FAM83B: variants seen among roughly 807,000 people sequenced by gnomAD.
FAM83B encodes the protein protein FAM83B.
In FAM83B, 26 loss-of-function variants were observed where a neutral mutation model predicts 38.8. The ratio of observed to expected loss-of-function variants is 0.67; its 90% CI spans 0.49 to 0.93. The LOEUF (loss-of-function observed/expected upper bound fraction) is 0.93, where lower values mean the gene tolerates loss of function less well. Ranked by LOEUF, FAM83B falls within the 40% of genes least tolerant of loss-of-function variation. FAM83B has a pLI of 0.00. For missense variants in FAM83B, 1,237 were observed against 1,197.3 expected (o/e 1.03, Z -0.49); for synonymous variants, 419 against 423.1 (o/e 0.99, Z 0.12).
Position 54,908,850 on chromosome 6 carries a change from A to G in FAM83B, c.445-17521A>G, listed in dbSNP as rs143766716. ...TTCTATGTTCTGGAACCCCTCAGGTATACCCATTTGTCCTTGATTTTGGTA... is the reference window on the plus strand; with the variant it reads ...TTCTATGTTCTGGAACCCCTCAGGTGTACCCATTTGTCCTTGATTTTGGTA... On this transcript the variant is annotated intron_variant, in intron 2 of 4. Transcript: ENST00000306858. Among the ~76,000 whole-genome samples, 541 of 152,286 alleles carry G rather than the reference A, an allele frequency of 3.6e-3. 9 individuals are homozygous for G. Among genetic ancestry groups the G allele is most frequent in the African/African-American group, 0.012 (506 of 41,558 alleles).
At chr6:54,847,530 G>T (rs1219237463) in intron 1 of FAM83B, among the ~76,000 whole-genome samples, 1 of 152,092 alleles carries the variant, frequency 6.6e-6, no homozygotes, top group African/African-American at 2.4e-5. Flanking sequence ...CACTGCTCTA[G>T]ATCCTGGTGA....
At chr6:54,873,429 T>C (rs1473746510) in intron 2 of FAM83B, among the ~76,000 whole-genome samples, 1 of 152,132 alleles carries the variant, frequency 6.6e-6, no homozygotes, top group East Asian at 1.9e-4. Context: ...AAATATGAAA[T>C]AAAAGCTTAC....
intron 2 of FAM83B, among the ~76,000 whole-genome samples, chr6:54,880,608 CTAATTTTTG>C (rs1271163637): frequency 7.2e-5 from 11 of 151,850 alleles, no homozygotes; most frequent in Admixed American, 4.6e-4. Flanking sequence ...CCATGCCTTG[CTAATTTTTG>C]TATTTTTAAT....
chr6:54,912,491 A>G (rs1329770517), intron 2 of FAM83B, among the ~76,000 whole-genome samples: 2 of 151,344 alleles, frequency 1.3e-5, no homozygotes, highest in South Asian at 2.1e-4. Context: ...TTGAAAATAG[A>G]AATTGTTAAT....
Position 54,936,742 on chromosome 6 carries a change from T to A in FAM83B, c.735-2964T>A, listed in dbSNP as rs185093122. 1.3e-4 allele frequency among the ~76,000 whole-genome samples: 20 copies of A among 151,842 alleles called. No individual in the cohort carries two copies. In the East Asian group the frequency reaches 3.7e-3, roughly 28 times the overall value. Reference sequence around the variant, plus strand: ...ACATCTTTTGTGTCTGAACTGGGAATCTAGTCTTTATCAAAATATTGCAGA... The same window carrying A: ...ACATCTTTTGTGTCTGAACTGGGAAACTAGTCTTTATCAAAATATTGCAGA... On this transcript the variant is annotated intron_variant, in intron 4 of 4. Transcript: ENST00000306858.
chr6:54,858,036 A>G (rs577812682), intron 1 of FAM83B, among the ~76,000 whole-genome samples: 3 of 152,206 alleles, frequency 2.0e-5, no homozygotes, highest in Non-Finnish European at 4.4e-5. Context: ...ATGTGAGTCT[A>G]GAGGAGAAGG....
intron 2 of FAM83B, among the ~76,000 whole-genome samples, chr6:54,886,855 TTAAA>T: frequency 6.6e-6 from 1 of 152,182 alleles, no homozygotes. Flanking sequence ...AATTTTTTCT[TTAAA>T]TATAGCTTTA....
In FAM83B at chr6:54,870,324, A is replaced by G. The variant is rs1472679; in HGVS notation, c.78A>G (p.Glu26=). 0.48 allele frequency: 766,451 copies of G among 1,613,250 alleles called. 187,805 individuals are homozygous for G. Among genetic ancestry groups the G allele is most frequent in the Non-Finnish European group, 0.51 (596,238 of 1,179,434 alleles). ...SDNYIEPHYK[E]WYRVAIDILI... ...ACTACATTGAGCCTCACTACAAGGAATGGTATCGAGTAGCCATTGATATTC... is the reference window on the plus strand; with the variant it reads ...ACTACATTGAGCCTCACTACAAGGAGTGGTATCGAGTAGCCATTGATATTC... Residue 26 remains glutamate (E), a synonymous_variant, in exon 2 of 5, where the codon GAA becomes GAG. Coordinates refer to ENST00000306858, the MANE Select transcript of FAM83B (RefSeq NM_001010872.3).
chr6:54,872,645 G>A (rs563444191), intron 2 of FAM83B, among the ~76,000 whole-genome samples: 3 of 152,244 alleles, frequency 2.0e-5, no homozygotes, highest in South Asian at 2.1e-4. Flanking sequence ...ACTGGGAACC[G>A]AACATTAGTC....
intron 1 of FAM83B, among the ~76,000 whole-genome samples, chr6:54,857,430 G>A (rs1448978827): frequency 2.6e-5 from 4 of 152,146 alleles, no homozygotes; most frequent in East Asian, 3.8e-4. Context: ...GAGGTTGAAC[G>A]AGACTGAACC....
chr6:54,866,305 G>A (rs1771704501), intron 1 of FAM83B, among the ~76,000 whole-genome samples: 2 of 151,734 alleles, frequency 1.3e-5, no homozygotes, highest in African/African-American at 4.8e-5. Flanking sequence ...ATAGTTAAGG[G>A]CAAAAATCCA....
Position 54,904,852 on chromosome 6 carries a change from A to T in FAM83B, c.445-21519A>T, listed in dbSNP as rs1772741258. On this transcript the variant is annotated intron_variant, in intron 2 of 4. Transcript: ENST00000306858. ...GAGAAGGCAAGCAGTAAAAAGAAGC[A>T]GAGAAAAAATATATTCTGTGGAGCA... Among the ~76,000 whole-genome samples the T allele has an allele frequency of 2.0e-5, 3 of 152,206 alleles. No homozygotes were observed. In the South Asian group the frequency reaches 6.2e-4, roughly 31 times the overall value.
intron 4 of FAM83B, among the ~76,000 whole-genome samples, chr6:54,930,495 T>C (rs1330345754): frequency 6.6e-6 from 1 of 152,086 alleles, no homozygotes; most frequent in Non-Finnish European, 1.5e-5. Context: ...TGTTTCCAAG[T>C]CTTCATTTTT....
intron 2 of FAM83B, among the ~76,000 whole-genome samples, chr6:54,904,360 T>A (rs924054529): frequency 2.6e-5 from 4 of 151,924 alleles, no homozygotes; most frequent in Admixed American, 2.0e-4. Context: ...ACCTGTGGAG[T>A]GAATCTACAG....
intron 1 of FAM83B, among the ~76,000 whole-genome samples, chr6:54,864,952 A>G (rs1294846691): frequency 1.3e-5 from 2 of 152,234 alleles, no homozygotes; most frequent in Admixed American, 1.3e-4. Flanking sequence ...AAATTGCTTA[A>G]CATTGAAGTT....
chr6:54,880,441 C>CTTTTTTTTTT (rs1180941250), intron 2 of FAM83B, among the ~76,000 whole-genome samples: 3 of 106,216 alleles, frequency 2.8e-5, no homozygotes, highest in Non-Finnish European at 5.4e-5. Flanking sequence ...TAGAAGGTTT[C>CTTTTTTTTTT]TTTTTTTTTT....
At chr6:54,897,138 C>T (rs1772556697) in intron 2 of FAM83B, among the ~76,000 whole-genome samples, 1 of 151,722 alleles carries the variant, frequency 6.6e-6, no homozygotes, top group Non-Finnish European at 1.5e-5. Flanking sequence ...CTCTGAGACC[C>T]TTTAGGCCAC....
At chr6:54,887,351 G>A (rs558105250) in intron 2 of FAM83B, among the ~76,000 whole-genome samples, 17 of 152,286 alleles carry the variant, frequency 1.1e-4, no homozygotes, top group Admixed American at 1.1e-3. Flanking sequence ...GTTTCTGCAG[G>A]ATTGACTGCA....
chr6:54,883,621 C>A (rs1286919114), intron 2 of FAM83B, among the ~76,000 whole-genome samples: 5 of 151,872 alleles, frequency 3.3e-5, no homozygotes, highest in African/African-American at 1.2e-4. Flanking sequence ...CAGGCGTGAG[C>A]CACCGCACCT....
Sources: allele counts gnomAD v4.1 joint callset (sites outside exome capture counted in the v4.1 genomes callset), GRCh38; gene constraint gnomAD v4.1.1; transcripts MANE v1.5; gene names NCBI Gene and HGNC (gene_info 2026-07-23, HGNC 2026-07-21).